The following PRSS55 variants were observed in gnomAD, a reference collection of about 807,000 sequenced individuals.
PRSS55 encodes the protein serine protease 55, also known as probable serine protease UNQ9391/PRO34284.
A neutral mutation model predicts 23.6 loss-of-function variants in PRSS55; 41 were observed. That is an observed-to-expected ratio of 1.74 (90% confidence interval 1.35 to 2.26). The LOEUF is 2.26. Ranked by LOEUF, PRSS55 falls within the 30% of genes most tolerant of loss-of-function variation. The probability of loss-of-function intolerance (pLI) is 0.00; values close to 1 mark genes in which losing one functional copy is unlikely to be tolerated. For missense variants in PRSS55, 669 were observed against 439.1 expected (o/e 1.52, Z -4.68); for synonymous variants, 262 against 175.5 (o/e 1.49, Z -3.90).
At chr8:10,532,115 C>T (rs1023351481) in intron 3 of PRSS55, among the ~76,000 whole-genome samples, 2 of 152,134 alleles carry the variant, frequency 1.3e-5, no homozygotes, top group African/African-American at 2.4e-5. Flanking sequence ...GGGATGAGAA[C>T]AGCAAAGCAT....
intron 3 of PRSS55, among the ~76,000 whole-genome samples, chr8:10,532,294 T>A (rs1259535227): frequency 6.6e-6 from 1 of 152,118 alleles, no homozygotes; most frequent in African/African-American, 2.4e-5. Flanking sequence ...AGGAGGCACA[T>A]GGGCATGCAC....
rs200907557 is a variant in PRSS55 at position 10,538,696 on chromosome 8, G to A, written c.962G>A (p.Gly321Asp). Residue 321 changes from glycine to aspartate, a missense_variant, in exon 5 of 5, where the codon GGC (glycine) becomes GAC (aspartate). By Grantham distance (94) the Gly-to-Asp change is moderately conservative. Coordinates refer to ENST00000328655, the MANE Select transcript of PRSS55 (RefSeq NM_198464.4). ...RRTSVKQKPM[G>D]SPVSGVPEPG... Reference sequence around the variant, plus strand: ...ACTTCTGTCAAACAGAAACCTATGGGCTCCCCAGTCTCGGGAGTCCCAGAG... The same window carrying A: ...ACTTCTGTCAAACAGAAACCTATGGACTCCCCAGTCTCGGGAGTCCCAGAG... 21 of 1,614,098 alleles carry A rather than the reference G, an allele frequency of 1.3e-5. No homozygotes were observed. The East Asian group carries it at 1.3e-4, about 10-fold the overall frequency.
intron 4 of PRSS55, among the ~76,000 whole-genome samples, chr8:10,545,767 C>G (rs1812801484): frequency 6.6e-6 from 1 of 152,198 alleles, no homozygotes; most frequent in Non-Finnish European, 1.5e-5. Flanking sequence ...AGTAAAAACT[C>G]ACAAAGCATC....
intron 4 of PRSS55, among the ~76,000 whole-genome samples, chr8:10,552,638 A>G (rs557110649): frequency 1.3e-5 from 2 of 152,346 alleles, no homozygotes; most frequent in Non-Finnish European, 1.5e-5. Flanking sequence ...ATTTCTCAAA[A>G]GAAGACACAT....
At chr8:10,549,979 C>T (rs1812915550) in intron 4 of PRSS55, among the ~76,000 whole-genome samples, 1 of 152,162 alleles carries the variant, frequency 6.6e-6, no homozygotes, top group South Asian at 2.1e-4. Context: ...GAGTGCCGTG[C>T]TGTGATCTCA....
downstream of PRSS55, among the ~76,000 whole-genome samples, chr8:10,543,013 C>A (rs59257540): frequency 1.3e-5 from 2 of 151,706 alleles, no homozygotes; most frequent in Admixed American, 6.6e-5. Flanking sequence ...TTCCTTATTG[C>A]AAGTTTCTGA....
chr8:10,529,015 C>T (rs1471386783), intron 1 of PRSS55, among the ~76,000 whole-genome samples: 1 of 152,164 alleles, frequency 6.6e-6, no homozygotes, highest in Admixed American at 6.5e-5. Flanking sequence ...CTCAGAAAAG[C>T]CAGCATCACG....
At chr8:10,535,859 C>A (rs1205277067) in intron 4 of PRSS55, among the ~76,000 whole-genome samples, 1 of 152,146 alleles carries the variant, frequency 6.6e-6, no homozygotes, top group African/African-American at 2.4e-5. Context: ...ACTTAAACAA[C>A]TCAACAAGCA....
intron 4 of PRSS55, among the ~76,000 whole-genome samples, chr8:10,535,490 G>A: frequency 6.6e-6 from 1 of 152,208 alleles, no homozygotes; most frequent in Admixed American, 6.5e-5. Flanking sequence ...TTCGATAAAT[G>A]GTGTTGGGAT....
chr8:10,535,431 G>A (rs1196224716), intron 4 of PRSS55, among the ~76,000 whole-genome samples: 2 of 152,172 alleles, frequency 1.3e-5, no homozygotes, highest in African/African-American at 4.8e-5. Flanking sequence ...ACAACCATCT[G>A]ATCTTCATCA....
chr8:10,536,606 G>A (rs11250026), intron 4 of PRSS55, among the ~76,000 whole-genome samples: 109,166 of 151,932 alleles, frequency 0.72, 39,307 homozygotes, highest in African/African-American at 0.77. Flanking sequence ...AAAGACATGG[G>A]ATCAAACTAC....
rs1469560260 is a variant in PRSS55 at position 10,525,751 on chromosome 8, G to A, written c.154+12G>A. On this transcript the variant is annotated intron_variant, in intron 1 of 4. Coordinates refer to ENST00000328655, the MANE Select transcript of PRSS55 (RefSeq NM_198464.4). ...CAGCCCAGTCAGTGGTGAGTACAGG[G>A]GCAGAAGGGGCATGGATGGGGGCTC... The A allele has an allele frequency of 1.3e-6, 2 of 1,583,158 alleles. No individual in the cohort carries two copies. The highest frequency in any genetic ancestry group is 2.3e-5 in the East Asian group (1 of 43,242).
At chr8:10,547,649 T>A (rs1812851921) in intron 4 of PRSS55, 1 of 151,762 alleles carries the variant, frequency 6.6e-6, no homozygotes, top group African/African-American at 2.4e-5. Flanking sequence ...CCCCTTCCCG[T>A]CCCTCCTTTT....
In PRSS55 at chr8:10,530,343, C is replaced by T. The variant is rs376486472; in HGVS notation, c.347+644C>T. 8.0e-4 allele frequency among the ~76,000 whole-genome samples: 122 copies of T among 152,302 alleles called. 1 individual carries two copies. In the Middle Eastern group the frequency reaches 0.017, roughly 21 times the overall value. On this transcript the variant is annotated intron_variant, in intron 2 of 4. Coordinates refer to ENST00000328655, the MANE Select transcript of PRSS55 (RefSeq NM_198464.4). ...TACAAAAATTAGCTGGGCGCGGTGGCGTGCGCCTGTAGTCCCAGCTGTTCA... is the reference window on the plus strand; with the variant it reads ...TACAAAAATTAGCTGGGCGCGGTGGTGTGCGCCTGTAGTCCCAGCTGTTCA...
At position 10,538,769 on chromosome 8, in the gene PRSS55, G is replaced by C. The variant is rs368726071; in HGVS notation, c.1035G>C (p.Val345=). The change falls in exon 5 of 5, where the codon GTG becomes GTC. Residue 345 remains valine (V), a synonymous_variant. Transcript: ENST00000328655. ...TCCTGCTCTGTCCCCTGTCCCATGT[G>C]TTGTTCAGAGCTATTTTGTACTGAT... The part of the protein sequence containing the change: ...SWLLLCPLSH[V]LFRAILY 1.6e-5 allele frequency: 25 copies of C among 1,593,246 alleles called. No homozygotes were observed. Among genetic ancestry groups the C allele is most frequent in the Non-Finnish European group, 2.0e-5 (24 of 1,172,024 alleles).
At chr8:10,533,113 G>T (rs1756788749) in intron 4 of PRSS55, 65 bp downstream of exon 4, 3 of 1,531,950 alleles carry the variant, frequency 2.0e-6, no homozygotes, top group Non-Finnish European at 2.7e-6. Flanking sequence ...CAGTGCAAGG[G>T]TATTCTCTCT....
At chr8:10,526,325 G>C (rs530649318) in intron 1 of PRSS55, among the ~76,000 whole-genome samples, 1 of 152,216 alleles carries the variant, frequency 6.6e-6, no homozygotes, top group Admixed American at 6.5e-5. Context: ...CTGAGGAAGA[G>C]GATTTGCCCA....
intron 4 of PRSS55, among the ~76,000 whole-genome samples, chr8:10,537,592 G>C (rs559291081): frequency 1.3e-5 from 2 of 152,276 alleles, no homozygotes; most frequent in African/African-American, 2.4e-5. Context: ...AACTGGAAGA[G>C]TGGAATTGAA....
Position 10,538,582 on chromosome 8 carries a change from G to T in PRSS55, c.848G>T (p.Gly283Val). The T allele has an allele frequency of 1.2e-6, 2 of 1,614,106 alleles. No homozygotes were observed. Residue 283 changes from glycine (G) to valine (V), a missense_variant, in exon 5 of 5, where the codon GGG becomes GTG. Gly to Val is a moderately radical substitution (Grantham distance 109). Transcript: ENST00000328655. ...GKSCGEKNTP[G>V]IYTSLVNYNL... ...AGCTGTGGAGAGAAGAACACCCCAG[G>T]GATATACACCTCGTTGGTGAACTAC...
Sources: gnomAD v4.1 joint callset for allele counts (sites outside exome capture counted in the v4.1 genomes callset) on GRCh38, gnomAD v4.1.1 for gene constraint, MANE v1.5 for transcripts, NCBI Gene and HGNC (gene_info 2026-07-23, HGNC 2026-07-21) for gene names.